Variants in PI4KB observed in about 807,000 individuals in gnomAD.
PI4KB encodes the protein phosphatidylinositol 4-kinase beta.
In PI4KB, 23 loss-of-function variants were observed where a neutral mutation model predicts 81.4. The ratio of observed to expected loss-of-function variants is 0.28; its 90% confidence interval spans 0.20 to 0.40. PI4KB has a LOEUF of 0.40. PI4KB is among the 10% of genes least tolerant of loss of function. The probability of loss-of-function intolerance (pLI) is 1.00; values close to 1 mark genes in which losing one functional copy is unlikely to be tolerated. For synonymous variants in PI4KB, 381 were observed against 406.8 expected, an observed-to-expected ratio of 0.94 and a Z score of 0.76; for missense variants, 651 against 1,036.6, an observed-to-expected ratio of 0.63 and a Z score of 5.11.
At chr1:151,306,088 T>C (rs1473712849) in intron 5 of PI4KB, 48 bp downstream of exon 5, 1 of 1,470,236 alleles carries the variant, frequency 6.8e-7, no homozygotes, top group African/African-American at 1.4e-5. Context: ...TGAAAGCTCC[T>C]GGAGAAAGCT....
At position 151,292,583 on chromosome 1, in the gene PI4KB, G is replaced by A; in HGVS notation, c.*269C>T. The A allele has an allele frequency of 2.3e-6, 1 of 436,902 alleles. No individual in the cohort carries two copies. The highest frequency in any genetic ancestry group is 4.1e-6 in the Non-Finnish European group (1 of 242,612). 27.1% of individuals were successfully genotyped at this position (436,902 alleles called of 1,614,324 possible). ...ACATTTGTCACCTCTGTTTTCTGGA[G>A]GGCAGTGAGTCCTGGAGTCAGTCTG... On this transcript the variant is annotated 3_prime_UTR_variant, in exon 12 of 12. Transcript: ENST00000368873.
At position 151,316,433 on chromosome 1, in the gene PI4KB, G is replaced by T. The variant is rs759926976; in HGVS notation, c.49C>A (p.Pro17Thr). The change falls in exon 2 of 12, where the codon CCC becomes ACC. Residue 17 changes from proline to threonine, a missense_variant. Pro to Thr is a conservative substitution (Grantham distance 38, BLOSUM62 -1). Around this residue, in one of 5 missense-constraint regions of PI4KB, gnomAD observed 314 missense variants for 397.8 expected, o/e 0.79. Coordinates refer to ENST00000368873, the MANE Select transcript of PI4KB (RefSeq NM_001369623.2). ...TTATTCCCTGGTGGGCCAGAAGTGGGCTCAGAAGTTGGCTTCAAGGGGGCA... is the reference window on the plus strand; with the variant it reads ...TTATTCCCTGGTGGGCCAGAAGTGGTCTCAGAAGTTGGCTTCAAGGGGGCA... ...EPAPLKPTSE[P>T]TSGPPGNNGG... 5.1e-6 allele frequency: 8 copies of T among 1,573,068 alleles called. No homozygotes were observed. The African/African-American group carries it at 9.5e-5, about 19-fold the overall frequency.
chr1:151,292,545 C>T lies in PI4KB; in HGVS notation c.*307G>A. On this transcript the variant is annotated 3_prime_UTR_variant, in exon 12 of 12. Transcript: ENST00000368873. ...AGACCCCTACAAGGAGAAGAAAGGCCCCAGTGTCCCTCACATTTGTCACCT... is the reference window on the plus strand; with the variant it reads ...AGACCCCTACAAGGAGAAGAAAGGCTCCAGTGTCCCTCACATTTGTCACCT... 3.1e-6 allele frequency: 1 copy of T among 322,022 alleles called. No homozygotes were observed. The allele number at this position is 322,022 out of a possible 1,614,324, so 19.9% of individuals were successfully genotyped here. A position where few individuals can be genotyped will look rare whatever the true frequency, so the allele number is the denominator to read the frequency against.
At chr1:151,305,365 T>TCTGGTCCATGCCCACGTGTC (rs1695671522) in intron 5 of PI4KB, among the ~76,000 whole-genome samples, 1 of 152,244 alleles carries the variant, frequency 6.6e-6, no homozygotes, top group Non-Finnish European at 1.5e-5. Flanking sequence ...CTTCCTATAG[T>TCTGGTCCATGCCCACGTGTC]CTGGTCCATG....
intron 1 of PI4KB, chr1:151,324,698 G>A (rs181949544): frequency 1.1e-6 from 1 of 938,874 alleles, no homozygotes; most frequent in East Asian, 1.2e-4. Context: ...CCAGCTATGG[G>A]AGCCGCTACT....
chr1:151,305,528 C>T (rs1373421179), intron 5 of PI4KB, among the ~76,000 whole-genome samples: 1 of 152,192 alleles, frequency 6.6e-6, no homozygotes, highest in South Asian at 2.1e-4. Flanking sequence ...ACTCTTTGTC[C>T]AGCTAATTCC....
Position 151,294,108 on chromosome 1 carries a change from T to A in PI4KB, c.2179A>T (p.Asn727Tyr), listed in dbSNP as rs756687625. The A allele has an allele frequency of 1.9e-6, 3 of 1,613,996 alleles. No homozygotes were observed. Among genetic ancestry groups the A allele is most frequent in the Non-Finnish European group, 2.5e-6 (3 of 1,179,950 alleles). The change falls in exon 11 of 12, where the codon AAC becomes TAC. Residue 727 changes from asparagine to tyrosine, a missense_variant. This residue lies in a region of PI4KB where 70 missense variants were observed against 108.1 expected (regional missense o/e 0.65). Transcript: ENST00000368873. ...TGCAGCATCAGCATCTTATAGTAGT[T>A]GAACATGTCGCCATCCAGGCCGCCC... Reference protein sequence around the residue: ...VMGGLDGDMFNYYKMLMLQGL... With the variant: ...VMGGLDGDMFYYYKMLMLQGL...
intron 8 of PI4KB, among the ~76,000 whole-genome samples, chr1:151,300,470 G>C (rs1295610555): frequency 6.6e-6 from 1 of 152,182 alleles, no homozygotes; most frequent in African/African-American, 2.4e-5. Context: ...GCCGGGCGTG[G>C]TGGCGCATGC....
intron 2 of PI4KB, among the ~76,000 whole-genome samples, chr1:151,313,771 T>C (rs754231852): frequency 2.6e-5 from 4 of 152,362 alleles, no homozygotes; most frequent in Admixed American, 6.5e-5. Flanking sequence ...CAGATGGCCA[T>C]AGCCTGGGCC....
chr1:151,294,561 G>T lies in PI4KB; in HGVS notation c.2016-20C>A. 2 of 1,613,472 alleles carry T rather than the reference G, an allele frequency of 1.2e-6. No individual in the cohort carries two copies. Among genetic ancestry groups the T allele is most frequent in the Non-Finnish European group, 1.7e-6 (2 of 1,179,542 alleles). On this transcript the variant is annotated intron_variant, in intron 9 of 11. Coordinates refer to ENST00000368873, the MANE Select transcript of PI4KB (RefSeq NM_001369623.2). ...TTGTGTCTGAGGAGGGGGAATAGAG[G>T]AGAGGAAGAGGCAGTAGTCAGTCTG...
rs1694593788 is a variant in PI4KB at position 151,294,170 on chromosome 1, G to A, written c.2149-32C>T. 6 of 1,600,662 alleles carry A rather than the reference G, an allele frequency of 3.7e-6. No homozygotes were observed. The East Asian group carries it at 1.3e-4, about 36-fold the overall frequency. ...AGGGAAGAGAGCGTTGTGTGCACAA[G>A]GGGTCTTACACCGGGGATGGTCCCT... is the stretch of plus-strand genomic sequence containing the variant. On this transcript the variant is annotated intron_variant, in intron 10 of 11. Coordinates refer to ENST00000368873, the MANE Select transcript of PI4KB (RefSeq NM_001369623.2).
At chr1:151,312,854 A>C (rs1647316901) in intron 2 of PI4KB, among the ~76,000 whole-genome samples, 1 of 152,172 alleles carries the variant, frequency 6.6e-6, no homozygotes, top group South Asian at 2.1e-4. Context: ...TCTTTACAAA[A>C]AAATTTTTTA....
intron 1 of PI4KB, chr1:151,326,342 A>T: frequency 1.6e-6 from 1 of 621,584 alleles, no homozygotes; most frequent in South Asian, 2.0e-5. Flanking sequence ...CTCACAACAC[A>T]TTTTTCTTCT....
At chr1:151,320,850 C>T (rs1648748273) in intron 1 of PI4KB, among the ~76,000 whole-genome samples, 1 of 152,204 alleles carries the variant, frequency 6.6e-6, no homozygotes, top group Non-Finnish European at 1.5e-5. Flanking sequence ...CTTTCCTCTC[C>T]CTCTAGTCCA....
intron 1 of PI4KB, 55 bp downstream of exon 1, chr1:151,327,216 A>AGGGGGGGGCCCCCCC: frequency 3.8e-5 from 4 of 104,016 alleles, no homozygotes; most frequent in South Asian, 3.6e-4. Flanking sequence ...TGGGAGAGGG[A>AGGGGGGGGCCCCCCC]CCCCCCCCCC....
chr1:151,298,862 A>G lies in PI4KB; in HGVS notation c.1961T>C (p.Val654Ala). 2 of 1,614,208 alleles carry G rather than the reference A, an allele frequency of 1.2e-6. No homozygotes were observed. Among genetic ancestry groups the G allele is most frequent in the Non-Finnish European group, 1.7e-6 (2 of 1,180,026 alleles). ...CAAGCAGTACCCAGCACAACTTTGC[A>G]CAAAATTGCGCTGTGCACTGAGGAA... is the stretch of plus-strand genomic sequence containing the variant. ...EAFLSAQRNFVQSCAGYCLVC... is the reference protein window; with the variant it reads ...EAFLSAQRNFAQSCAGYCLVC... Residue 654 changes from valine to alanine, a missense_variant, in exon 9 of 12, where the codon GTG becomes GCG. Val to Ala is a moderately conservative substitution (Grantham distance 64). Transcript: ENST00000368873.
chr1:151,327,641 C>G, upstream of PI4KB: 1 of 368,088 alleles, frequency 2.7e-6, no homozygotes. Flanking sequence ...AGGACCCTAC[C>G]GATTCCATAG....
intron 8 of PI4KB, among the ~76,000 whole-genome samples, chr1:151,299,945 G>T (rs905514286): frequency 6.6e-6 from 1 of 152,112 alleles, no homozygotes; most frequent in Non-Finnish European, 1.5e-5. Flanking sequence ...ACAACCAATT[G>T]TGTTGGCATT....
At chr1:151,326,235 C>T in intron 1 of PI4KB, 1 of 1,575,082 alleles carries the variant, frequency 6.3e-7, no homozygotes, top group Non-Finnish European at 8.7e-7. Context: ...GAGTAGTCAA[C>T]CAAGTGTAAT....
Sources: allele counts gnomAD v4.1 joint callset (sites outside exome capture counted in the v4.1 genomes callset), GRCh38; gene constraint gnomAD v4.1.1; regional missense constraint gnomAD v4.1.1; transcripts MANE v1.5; gene names NCBI Gene and HGNC (gene_info 2026-07-23, HGNC 2026-07-21).